The following DNAH11 variants were observed in gnomAD, a reference collection of about 807,000 sequenced individuals.
DNAH11 encodes the protein axonemal beta dynein heavy chain 11.
In DNAH11, 442 loss-of-function variants were observed where a neutral mutation model predicts 526.0. The observed-to-expected ratio is 0.84, with a 90% CI of 0.78 to 0.91. DNAH11 has a LOEUF of 0.91. DNAH11 is among the 40% of genes least tolerant of loss of function. DNAH11 has a pLI of 0.00. For synonymous variants in DNAH11, 2,461 were observed against 1,935.9 expected (o/e 1.27, Z -7.12); for missense variants, 6,989 against 5,448.7 (o/e 1.28, Z -8.90).
rs1782926431 is a variant in DNAH11 at position 21,677,142 on chromosome 7, T to G, written c.5329-4404T>G. On this transcript the variant is annotated intron_variant, in intron 30 of 81. Coordinates refer to ENST00000409508, the MANE Select transcript of DNAH11 (RefSeq NM_001277115.2). ...ACTACTTTTTAAAGATGCAATGTATTAAAAGTACAGGTGTATCTCATTTTA... is the reference window on the plus strand; with the variant it reads ...ACTACTTTTTAAAGATGCAATGTATGAAAAGTACAGGTGTATCTCATTTTA... Among the ~76,000 whole-genome samples, 5 of 151,948 alleles carry G rather than the reference T, an allele frequency of 3.3e-5. No individual in the cohort carries two copies. In the South Asian group the frequency reaches 1.0e-3, roughly 32 times the overall value.
At chr7:21,776,295 C>A (rs190739250) in intron 56 of DNAH11, among the ~76,000 whole-genome samples, 1 of 152,142 alleles carries the variant, frequency 6.6e-6, no homozygotes, top group African/African-American at 2.4e-5. Flanking sequence ...GGTATTTGTG[C>A]ATGGAATGCT....
In DNAH11 at chr7:21,735,012, TAAAA is replaced by T. The variant is rs535942085; in HGVS notation, c.7441-623_7441-620del. 7.5e-5 allele frequency among the ~76,000 whole-genome samples: 11 copies of T among 147,594 alleles called. No individual in the cohort carries two copies. In the East Asian group the frequency reaches 2.2e-3, roughly 30 times the overall value. ...GGTGAAACCCCATCTCTACTAGAAA[TAAAA>T]AAAATTAGCCGGGCGTGGTGGTGCA... On this transcript the variant is annotated intron_variant, in intron 45 of 81. Coordinates refer to ENST00000409508, the MANE Select transcript of DNAH11 (RefSeq NM_001277115.2).
chr7:21,712,125 T>C (rs1395125806), intron 42 of DNAH11, among the ~76,000 whole-genome samples: 6 of 152,216 alleles, frequency 3.9e-5, no homozygotes, highest in African/African-American at 1.2e-4. Context: ...ATAAATGGAA[T>C]CATACAGTGT....
At chr7:21,860,225 A>T (rs1470365846) in intron 68 of DNAH11, among the ~76,000 whole-genome samples, 1 of 152,136 alleles carries the variant, frequency 6.6e-6, no homozygotes, top group Non-Finnish European at 1.5e-5. Context: ...AACAATTTTT[A>T]GGGAGATGCA....
At chr7:21,612,491 C>T (rs192105538) in intron 20 of DNAH11, among the ~76,000 whole-genome samples, 211 of 143,078 alleles carry the variant, frequency 1.5e-3, no homozygotes, top group Middle Eastern at 0.012. Flanking sequence ...GGAGGCAGAG[C>T]TTGCAGTGAG....
At chr7:21,847,672 A>G (rs1782467665) in intron 66 of DNAH11, among the ~76,000 whole-genome samples, 1 of 152,220 alleles carries the variant, frequency 6.6e-6, no homozygotes, top group South Asian at 2.1e-4. Flanking sequence ...TGTCAGTGAC[A>G]TTCGATCCGG....
chr7:21,818,349 CT>C lies in DNAH11; in HGVS notation c.10691+12del, dbSNP rs753765156. The C allele has an allele frequency of 1.2e-6, 2 of 1,605,718 alleles. No homozygotes were observed. The highest frequency in any genetic ancestry group is 1.7e-6 in the Non-Finnish European group (2 of 1,177,002). On this transcript the variant is annotated intron_variant, in intron 65 of 81. Transcript: ENST00000409508. ...CAATTAAAAAAGGAAAGTAAGTATT[CT>C]TGAATTTTTAACATATATATCTTGC...
At chr7:21,635,752 G>C (rs1786832192) in intron 25 of DNAH11, 119 bp from the exon 26 acceptor site, 2 of 727,330 alleles carry the variant, frequency 2.7e-6, no homozygotes, top group Non-Finnish European at 4.1e-6. Context: ...GCCAGTTCCA[G>C]ATATTACATG....
chr7:21,891,630 C>T (rs563844750), intron 76 of DNAH11, among the ~76,000 whole-genome samples: 5 of 152,180 alleles, frequency 3.3e-5, no homozygotes, highest in African/African-American at 1.2e-4. Context: ...TTCAAAACTT[C>T]CCCCTAAATT....
chr7:21,676,469 A>AACT (rs2128470855), intron 30 of DNAH11, among the ~76,000 whole-genome samples: 2 of 152,334 alleles, frequency 1.3e-5, no homozygotes, highest in African/African-American at 4.8e-5. Context: ...GACATTTTAT[A>AACT]ACTACATTAT....
At chr7:21,767,577 A>G (rs1005717160) in intron 55 of DNAH11, among the ~76,000 whole-genome samples, 1 of 152,188 alleles carries the variant, frequency 6.6e-6, no homozygotes, top group Non-Finnish European at 1.5e-5. Flanking sequence ...CCAAATAGGA[A>G]TTTTAAAAAC....
At chr7:21,757,685 T>G (rs1315435581) in intron 54 of DNAH11, among the ~76,000 whole-genome samples, 1 of 152,184 alleles carries the variant, frequency 6.6e-6, no homozygotes, top group Non-Finnish European at 1.5e-5. Context: ...ACAGCTAAAG[T>G]CTGGCGACAG....
intron 55 of DNAH11, among the ~76,000 whole-genome samples, chr7:21,772,775 G>A (rs1012775125): frequency 6.6e-6 from 1 of 152,192 alleles, no homozygotes; most frequent in Non-Finnish European, 1.5e-5. Flanking sequence ...TTGTCGTGAT[G>A]TTGGAAAGTT....
At chr7:21,699,499 C>T (rs1783978323) in intron 36 of DNAH11, among the ~76,000 whole-genome samples, 1 of 152,120 alleles carries the variant, frequency 6.6e-6, no homozygotes, top group Admixed American at 6.6e-5. Flanking sequence ...ACAGTTGCAA[C>T]CACACAGTTA....
chr7:21,641,220 C>G (rs55842322), intron 28 of DNAH11, among the ~76,000 whole-genome samples: 6,731 of 152,238 alleles, frequency 0.044, 378 homozygotes, highest in African/African-American at 0.13. Flanking sequence ...ATGAGTGATT[C>G]TCCTATTCCT....
chr7:21,795,406 A>G (rs1034691453), intron 61 of DNAH11, among the ~76,000 whole-genome samples: 16 of 152,246 alleles, frequency 1.1e-4, no homozygotes, highest in Admixed American at 1.0e-3. Flanking sequence ...TGGAGAAAAT[A>G]CTTGATCAGT....
intron 35 of DNAH11, 59 bp from the exon 36 acceptor site, chr7:21,698,016 G>C: frequency 6.6e-7 from 1 of 1,525,198 alleles, no homozygotes. Flanking sequence ...CTTGATTTCA[G>C]CAATTTGTAC....
At chr7:21,615,363 A>G in intron 21 of DNAH11, 91 bp downstream of exon 21, 1 of 1,430,072 alleles carries the variant, frequency 7.0e-7, no homozygotes, top group Non-Finnish European at 9.4e-7. Flanking sequence ...TTTGGGTTTT[A>G]TAATGTCTTG....
intron 8 of DNAH11, among the ~76,000 whole-genome samples, chr7:21,577,531 G>C (rs565003774): frequency 6.6e-6 from 1 of 152,254 alleles, no homozygotes; most frequent in African/African-American, 2.4e-5. Flanking sequence ...GGAGAGTCCA[G>C]ACTATCACCC....
Sources: gnomAD v4.1 joint callset for allele counts (sites outside exome capture counted in the v4.1 genomes callset) on GRCh38, gnomAD v4.1.1 for gene constraint, MANE v1.5 for transcripts, NCBI Gene and HGNC (gene_info 2026-07-23, HGNC 2026-07-21) for gene names.